The following IFT56 variants were observed in gnomAD, a reference collection of about 807,000 sequenced individuals.
IFT56 encodes the protein intraflagellar transport 56.
the IFT56 span, among the ~76,000 whole-genome samples, chr7:139,143,799 A>G: frequency 3.9e-5 from 6 of 151,944 alleles, no homozygotes; most frequent in African/African-American, 1.4e-4. Context: ...ATTGATTTTT[A>G]AAACTATATA....
At chr7:139,148,456 CTG>C in the IFT56 span, 1 of 1,353,572 alleles carries the variant, frequency 7.4e-7, no homozygotes, top group Non-Finnish European at 1.0e-6. Context: ...TCATGAAACT[CTG>C]TTATCTGTAA....
At chr7:139,148,151 T>G in the IFT56 span, 3 of 1,504,420 alleles carry the variant, frequency 2.0e-6, no homozygotes, top group Non-Finnish European at 2.7e-6. Context: ...CTTTGTAATT[T>G]GACATTTCCG....
the IFT56 span, chr7:139,168,709 T>G: frequency 2.9e-6 from 1 of 349,254 alleles, no homozygotes; most frequent in Non-Finnish European, 5.5e-6. Flanking sequence ...AGCGACTTTT[T>G]TTAAACTTAC....
chr7:139,160,728 G>A, the IFT56 span, among the ~76,000 whole-genome samples: 7 of 152,130 alleles, frequency 4.6e-5, no homozygotes, highest in South Asian at 2.1e-4. Context: ...GAGCCACTGC[G>A]CCCGGCCCAA....
At chr7:139,168,249 C>T in the IFT56 span, 1 of 727,132 alleles carries the variant, frequency 1.4e-6, no homozygotes, top group Non-Finnish European at 2.1e-6. Flanking sequence ...ATCTTTGATA[C>T]TTTATATAAA....
At chr7:139,186,177 C>T in the IFT56 span, among the ~76,000 whole-genome samples, 11 of 152,236 alleles carry the variant, frequency 7.2e-5, no homozygotes, top group African/African-American at 2.4e-4. Context: ...CCTGTAATCC[C>T]TGCACTTTAG....
At chr7:139,173,634 C>T in the IFT56 span, 1 of 790,366 alleles carries the variant, frequency 1.3e-6, no homozygotes, top group Non-Finnish European at 2.3e-6. Flanking sequence ...TTAAAAAGGT[C>T]AACATTCTTT....
chr7:139,191,559 C>G, the IFT56 span: 24 of 152,258 alleles, frequency 1.6e-4, no homozygotes, highest in African/African-American at 5.3e-4. Flanking sequence ...ACTCTAGATT[C>G]TCTCTGACAT....
chr7:139,171,223 T>C, the IFT56 span, among the ~76,000 whole-genome samples: 1 of 152,212 alleles, frequency 6.6e-6, no homozygotes, highest in Non-Finnish European at 1.5e-5. Flanking sequence ...ATATTCCATG[T>C]TCATAGATTG....
At chr7:139,176,611 G>A in the IFT56 span, among the ~76,000 whole-genome samples, 1 of 152,216 alleles carries the variant, frequency 6.6e-6, no homozygotes, top group African/African-American at 2.4e-5. Context: ...TAGCCAGCAT[G>A]AACCAATATG....
At chr7:139,179,449 C>T in the IFT56 span, 3 of 666,200 alleles carry the variant, frequency 4.5e-6, no homozygotes, top group Non-Finnish European at 7.9e-6. Flanking sequence ...CTTTTCTTAG[C>T]AGCCTGTATA....
the IFT56 span, chr7:139,147,198 A>G: frequency 1.1e-5 from 18 of 1,613,420 alleles, no homozygotes; most frequent in East Asian, 3.6e-4. Context: ...AGGATGTCAC[A>G]GAAGATCAAC....
the IFT56 span, chr7:139,168,701 C>T: frequency 2.3e-5 from 8 of 346,538 alleles, no homozygotes; most frequent in Middle Eastern, 1.6e-3. Context: ...TTATTTGCAG[C>T]GACTTTTTTT....
the IFT56 span, chr7:139,161,219 A>G: frequency 2.1e-6 from 1 of 484,308 alleles, no homozygotes. Context: ...GGAGAACAGG[A>G]ATATATTTAA....
the IFT56 span, chr7:139,173,086 T>C: frequency 1.4e-6 from 1 of 729,996 alleles, no homozygotes; most frequent in Admixed American, 1.8e-5. Flanking sequence ...GGTGGCTGGT[T>C]CACTAATGGT....
chr7:139,183,090 G>A, the IFT56 span, among the ~76,000 whole-genome samples: 2 of 152,110 alleles, frequency 1.3e-5, no homozygotes, highest in Admixed American at 1.3e-4. Context: ...GGGGATAGGG[G>A]AGTATATCTG....
At chr7:139,161,258 G>T in the IFT56 span, 1 of 416,124 alleles carries the variant, frequency 2.4e-6, no homozygotes, top group African/African-American at 2.0e-5. Flanking sequence ...AGGCAGTGTA[G>T]ATCCAGGTGT....
the IFT56 span, chr7:139,142,202 A>T: frequency 1.0e-5 from 16 of 1,586,212 alleles, no homozygotes; most frequent in East Asian, 3.6e-4. Flanking sequence ...CATTCCTACA[A>T]GGGACTGCTA....
chr7:139,180,985 C>T, the IFT56 span: 1 of 650,926 alleles, frequency 1.5e-6, no homozygotes, highest in South Asian at 2.1e-5. Context: ...CTTTCCATTA[C>T]TTTATTTGGA....
Sources: allele counts gnomAD v4.1 joint callset (sites outside exome capture counted in the v4.1 genomes callset), GRCh38; gene constraint gnomAD v4.1.1; transcripts MANE v1.5; gene names NCBI Gene and HGNC (gene_info 2026-07-23, HGNC 2026-07-21).